Variants in TAF4B observed in about 807,000 individuals in gnomAD.
TAF4B encodes the protein transcription initiation factor TFIID subunit 4B.
A neutral mutation model predicts 86.4 loss-of-function variants in TAF4B; 38 were observed. The observed-to-expected ratio is 0.44, with a 90% CI of 0.34 to 0.58. TAF4B has a LOEUF of 0.58. TAF4B is among the 20% of genes least tolerant of loss of function. TAF4B has a pLI of 0.02. For synonymous variants in TAF4B, 388 were observed against 391.2 expected, an observed-to-expected ratio of 0.99 and a Z score of 0.10; for missense variants, 988 against 1,027.6, an observed-to-expected ratio of 0.96 and a Z score of 0.53.
intron 5 of TAF4B, among the ~76,000 whole-genome samples, chr18:26,279,671 A>G (rs186619902): frequency 6.6e-6 from 1 of 152,304 alleles, no homozygotes; most frequent in East Asian, 1.9e-4. Context: ...ACATAGACCA[A>G]TTGAACAGAA....
chr18:26,304,902 A>G, intron 9 of TAF4B: 1 of 984,658 alleles, frequency 1.0e-6, no homozygotes, highest in Non-Finnish European at 1.2e-6. Flanking sequence ...CTGACTTATT[A>G]CTTTCGCCCA....
At chr18:26,386,923 C>G (rs1369279327) in intron 14 of TAF4B, among the ~76,000 whole-genome samples, 2 of 152,042 alleles carry the variant, frequency 1.3e-5, no homozygotes, top group Non-Finnish European at 2.9e-5. Context: ...GTCTGTCTAG[C>G]CAGTTATTTT....
chr18:26,286,616 A>G (rs1048861858), intron 7 of TAF4B, 117 bp downstream of exon 7: 10 of 1,128,962 alleles, frequency 8.9e-6, no homozygotes, highest in Admixed American at 4.1e-5. Flanking sequence ...GGTTTGACCA[A>G]TTAATTTTTT....
chr18:26,320,943 A>C (rs746228221), intron 10 of TAF4B, 127 bp from the exon 11 acceptor site: 1 of 1,171,528 alleles, frequency 8.5e-7, no homozygotes, highest in Non-Finnish European at 1.2e-6. Context: ...TACTAGGAAA[A>C]TCATAATCTC....
chr18:26,384,918 G>A (rs1555627463), intron 14 of TAF4B, among the ~76,000 whole-genome samples: 1 of 152,164 alleles, frequency 6.6e-6, no homozygotes, highest in Non-Finnish European at 1.5e-5. Context: ...ATTCAGTTCT[G>A]TATATCTTAT....
chr18:26,263,135 G>A (rs1430806447), intron 1 of TAF4B, among the ~76,000 whole-genome samples: 1 of 152,054 alleles, frequency 6.6e-6, no homozygotes, highest in Non-Finnish European at 1.5e-5. Context: ...AATTGTTTTT[G>A]TAGAGACAGG....
intron 7 of TAF4B, among the ~76,000 whole-genome samples, chr18:26,287,590 A>G (rs1486566635): frequency 1.3e-5 from 2 of 152,262 alleles, no homozygotes; most frequent in African/African-American, 4.8e-5. Context: ...TTAATTAAAA[A>G]TCATAACGTT....
At chr18:26,377,450 C>T (rs1317609127) in intron 14 of TAF4B, among the ~76,000 whole-genome samples, 2 of 152,174 alleles carry the variant, frequency 1.3e-5, no homozygotes, top group African/African-American at 4.8e-5. Flanking sequence ...AGTGTTCCTT[C>T]TTAACTCTGC....
At chr18:26,380,296 A>T (rs1388315334) in intron 14 of TAF4B, among the ~76,000 whole-genome samples, 1 of 152,166 alleles carries the variant, frequency 6.6e-6, no homozygotes. Flanking sequence ...AAGCTATACA[A>T]TTCCATTTGT....
chr18:26,252,375 C>A (rs1409126127), intron 1 of TAF4B, among the ~76,000 whole-genome samples: 1 of 152,118 alleles, frequency 6.6e-6, no homozygotes, highest in Non-Finnish European at 1.5e-5. Context: ...TGCTACCATG[C>A]TAAATTGATT....
chr18:26,311,134 A>C (rs2056850263), intron 9 of TAF4B, among the ~76,000 whole-genome samples: 1 of 152,186 alleles, frequency 6.6e-6, no homozygotes, highest in South Asian at 2.1e-4. Context: ...ATGATCAATA[A>C]AATTAGTTGG....
chr18:26,314,986 A>G (rs1329533906), intron 9 of TAF4B, among the ~76,000 whole-genome samples: 1 of 152,000 alleles, frequency 6.6e-6, no homozygotes, highest in Admixed American at 6.6e-5. Context: ...ATTACTTTCA[A>G]AAGCTTAAAG....
At chr18:26,366,896 T>C (rs2057375551) in intron 14 of TAF4B, among the ~76,000 whole-genome samples, 1 of 152,234 alleles carries the variant, frequency 6.6e-6, no homozygotes, top group Non-Finnish European at 1.5e-5. Context: ...AATTAGAATG[T>C]ATTATCTTCA....
intron 5 of TAF4B, among the ~76,000 whole-genome samples, chr18:26,277,651 A>G (rs368042499): frequency 7.6e-6 from 1 of 131,628 alleles, no homozygotes; most frequent in African/African-American, 4.4e-5. Flanking sequence ...AATAGTGATT[A>G]TTTTTTTAAA....
intron 1 of TAF4B, among the ~76,000 whole-genome samples, chr18:26,252,535 T>C (rs2056021102): frequency 6.6e-6 from 1 of 152,112 alleles, no homozygotes; most frequent in Admixed American, 6.5e-5. Flanking sequence ...TTTTAAATCG[T>C]GTGCCATTCT....
chr18:26,297,282 A>G (rs1423169801), intron 9 of TAF4B, among the ~76,000 whole-genome samples: 1 of 152,192 alleles, frequency 6.6e-6, no homozygotes, highest in Non-Finnish European at 1.5e-5. Context: ...AAAAAGAGAC[A>G]TGACATGAAA....
chr18:26,363,494 G>A (rs1370266060), intron 14 of TAF4B, among the ~76,000 whole-genome samples: 1 of 151,500 alleles, frequency 6.6e-6, no homozygotes. Flanking sequence ...GCAGTGAGCT[G>A]TGATCAGGCC....
rs149052565 is a variant in TAF4B at position 26,298,597 on chromosome 18, A to G, written c.1832+5066A>G. 6.4e-3 allele frequency among the ~76,000 whole-genome samples: 964 copies of G among 151,768 alleles called. 6 individuals carry two copies. The highest frequency in any genetic ancestry group is 0.01 in the Non-Finnish European group (697 of 67,942). On this transcript the variant is annotated intron_variant, in intron 9 of 14. Coordinates refer to ENST00000269142, the MANE Select transcript of TAF4B (RefSeq NM_005640.3). Reference sequence around the variant, plus strand: ...GCCTAGGCTGGGGTGCAGAGGTGCAATCCTAGCTCACTGCAGCCTCAGACT... The same window carrying G: ...GCCTAGGCTGGGGTGCAGAGGTGCAGTCCTAGCTCACTGCAGCCTCAGACT...
At chr18:26,351,894 T>C (rs1383229951) in intron 13 of TAF4B, among the ~76,000 whole-genome samples, 1 of 152,068 alleles carries the variant, frequency 6.6e-6, no homozygotes, top group African/African-American at 2.4e-5. Flanking sequence ...CAGCAAAATG[T>C]GGAGGATAAA....
Sources: allele counts gnomAD v4.1 joint callset (sites outside exome capture counted in the v4.1 genomes callset), GRCh38; gene constraint gnomAD v4.1.1; transcripts MANE v1.5; gene names NCBI Gene and HGNC (gene_info 2026-07-23, HGNC 2026-07-21).